PDE7B: variants seen among roughly 807,000 people sequenced by gnomAD.
PDE7B encodes the protein 3',5'-cyclic-AMP phosphodiesterase 7B.
In PDE7B, 29 loss-of-function variants were observed where a neutral mutation model predicts 56.2. That is an observed-to-expected ratio of 0.52 (90% CI 0.38 to 0.70). The LOEUF (loss-of-function observed/expected upper bound fraction) is 0.70. Ranked by LOEUF, PDE7B falls within the 30% of genes least tolerant of loss-of-function variation. The pLI, the probability that PDE7B is intolerant of heterozygous loss-of-function variation, is 0.00. For missense variants in PDE7B, 490 were observed against 565.0 expected (o/e 0.87, Z 1.35); for synonymous variants, 197 against 196.9 (o/e 1.00, Z 0.00).
intron 2 of PDE7B, chr6:136,046,457 A>G (rs926781394): frequency 1.3e-5 from 2 of 152,212 alleles, no homozygotes; most frequent in Non-Finnish European, 2.9e-5. Context: ...CTTTTGAATA[A>G]ATACCTTGCC....
chr6:135,912,258 A>G (rs1776225552), intron 1 of PDE7B, among the ~76,000 whole-genome samples: 1 of 152,216 alleles, frequency 6.6e-6, no homozygotes, highest in Non-Finnish European at 1.5e-5. Context: ...AGCAGATTCA[A>G]CCATGGCAAA....
chr6:135,934,807 TTATTATATATATATTTAATAAATAA>T (rs1562444935), intron 1 of PDE7B, among the ~76,000 whole-genome samples: 1 of 113,802 alleles, frequency 8.8e-6, no homozygotes, highest in Non-Finnish European at 1.7e-5. Context: ...ATATATATAT[TTATTATATATATATTTAATAAATAA>T]ATATATATAT....
intron 1 of PDE7B, among the ~76,000 whole-genome samples, chr6:135,876,252 C>G (rs1775489995): frequency 6.6e-6 from 1 of 152,118 alleles, no homozygotes; most frequent in South Asian, 2.1e-4. Context: ...GTGGAGCAGT[C>G]TGGGGAGAGA....
At chr6:136,149,640 C>T (rs1015695022) in intron 5 of PDE7B, among the ~76,000 whole-genome samples, 1 of 152,204 alleles carries the variant, frequency 6.6e-6, no homozygotes, top group African/African-American at 2.4e-5. Flanking sequence ...AAAGCTTAGG[C>T]TGCAGCCAAA....
intron 8 of PDE7B, among the ~76,000 whole-genome samples, chr6:136,166,057 A>G (rs539788557): frequency 6.6e-6 from 1 of 152,134 alleles, no homozygotes; most frequent in Admixed American, 6.5e-5. Flanking sequence ...CAGCACTTAC[A>G]TGACCATTGT....
In PDE7B at chr6:135,928,475, A is replaced by ATATTTATT. The variant is rs1554267455; in HGVS notation, c.22-18986_22-18985insTTATTTAT. On this transcript the variant is annotated intron_variant, in intron 1 of 12. Coordinates refer to ENST00000308191, the MANE Select transcript of PDE7B (RefSeq NM_018945.4). ...TATTTATATATATATTTATTTATAT[A>ATATTTATT]TATATATTTATTTATATATATATAT... 4.5e-4 allele frequency among the ~76,000 whole-genome samples: 48 copies of ATATTTATT among 106,146 alleles called. 3 individuals carry two copies. Among genetic ancestry groups the ATATTTATT allele is most frequent in the African/African-American group, 1.5e-3 (45 of 30,378 alleles). The allele number at this position is 106,146 out of a possible 152,430, so 69.6% of individuals were successfully genotyped here.
chr6:136,189,356 G>A (rs932438788), intron 12 of PDE7B, among the ~76,000 whole-genome samples: 3 of 152,106 alleles, frequency 2.0e-5, no homozygotes, highest in Admixed American at 6.5e-5. Flanking sequence ...TTGAGGCCAG[G>A]AATTCAAGAC....
At chr6:135,964,036 T>G (rs568734313) in intron 2 of PDE7B, among the ~76,000 whole-genome samples, 1 of 152,070 alleles carries the variant, frequency 6.6e-6, no homozygotes, top group Non-Finnish European at 1.5e-5. Flanking sequence ...TTCATTGTTC[T>G]CTCATTGAAA....
At chr6:136,002,345 T>G (rs1241526244) in intron 2 of PDE7B, among the ~76,000 whole-genome samples, 3 of 152,052 alleles carry the variant, frequency 2.0e-5, no homozygotes, top group Non-Finnish European at 4.4e-5. Flanking sequence ...AATTCACACA[T>G]AACAATATTA....
intron 3 of PDE7B, among the ~76,000 whole-genome samples, chr6:136,141,067 GT>G (rs1315081609): frequency 6.6e-6 from 1 of 152,174 alleles, no homozygotes; most frequent in African/African-American, 2.4e-5. Context: ...AATGCTTCCA[GT>G]TTTTGCCCAT....
At chr6:135,924,093 G>A (rs1297698300) in intron 1 of PDE7B, among the ~76,000 whole-genome samples, 3 of 151,902 alleles carry the variant, frequency 2.0e-5, no homozygotes, top group African/African-American at 7.3e-5. Context: ...ATTCAATTCC[G>A]GCCAAAATTT....
At position 136,057,937 on chromosome 6, in the gene PDE7B, A is replaced by G. The variant is rs1284122587; in HGVS notation, c.83-50794A>G. ...TTTTTAGTAGAGACGGGGTTTCACCATGTTTTCCAGGCTGGTCTCGAACTC... is the reference window on the plus strand; with the variant it reads ...TTTTTAGTAGAGACGGGGTTTCACCGTGTTTTCCAGGCTGGTCTCGAACTC... On this transcript the variant is annotated intron_variant, in intron 2 of 12. Transcript: ENST00000308191. Among the ~76,000 whole-genome samples the G allele has an allele frequency of 2.6e-5, 4 of 152,086 alleles. No individual in the cohort carries two copies. In the South Asian group the frequency reaches 6.2e-4, roughly 24 times the overall value.
At chr6:136,050,508 G>C (rs1048147904) in intron 2 of PDE7B, among the ~76,000 whole-genome samples, 1 of 152,086 alleles carries the variant, frequency 6.6e-6, no homozygotes, top group Non-Finnish European at 1.5e-5. Context: ...GCTGGTAGTT[G>C]CTTAACCATT....
chr6:135,952,255 A>G (rs1774715010), intron 2 of PDE7B, among the ~76,000 whole-genome samples: 1 of 152,218 alleles, frequency 6.6e-6, no homozygotes, highest in African/African-American at 2.4e-5. Flanking sequence ...AATATAAATA[A>G]GCTAATAAAA....
intron 2 of PDE7B, among the ~76,000 whole-genome samples, chr6:135,957,749 T>A (rs772999723): frequency 1.3e-5 from 2 of 152,122 alleles, no homozygotes; most frequent in African/African-American, 2.4e-5. Flanking sequence ...GGTTATATAT[T>A]CACCCCTAAC....
intron 1 of PDE7B, among the ~76,000 whole-genome samples, chr6:135,906,408 T>C (rs1303621607): frequency 6.6e-6 from 1 of 152,182 alleles, no homozygotes; most frequent in African/African-American, 2.4e-5. Flanking sequence ...CCCTTTGTCC[T>C]ACTGTTTGAT....
chr6:136,138,801 G>C (rs1188788952), intron 3 of PDE7B, among the ~76,000 whole-genome samples: 1 of 152,090 alleles, frequency 6.6e-6, no homozygotes, highest in Non-Finnish European at 1.5e-5. Context: ...GGGCAGGTTT[G>C]AAAGTACACA....
At chr6:136,024,199 C>A (rs1776114244) in intron 2 of PDE7B, among the ~76,000 whole-genome samples, 1 of 152,116 alleles carries the variant, frequency 6.6e-6, no homozygotes, top group Admixed American at 6.5e-5. Flanking sequence ...TAATGTTCAT[C>A]CATGTTTTAT....
intron 2 of PDE7B, chr6:136,044,992 G>A (rs1281724861): frequency 7.0e-6 from 1 of 142,152 alleles, no homozygotes; most frequent in African/African-American, 2.5e-5. Context: ...ATTGACTTTT[G>A]CATCAGACCA....
Sources: allele counts gnomAD v4.1 joint callset (sites outside exome capture counted in the v4.1 genomes callset), GRCh38; gene constraint gnomAD v4.1.1; transcripts MANE v1.5; gene names NCBI Gene and HGNC (gene_info 2026-07-23, HGNC 2026-07-21).